CCDC110: variants seen among roughly 807,000 people sequenced by gnomAD.
CCDC110 encodes the protein coiled-coil domain-containing protein 110.
Under a neutral mutation model 77.1 loss-of-function variants are expected in CCDC110, and 70 were observed. The ratio of observed to expected loss-of-function variants is 0.91; its 90% CI spans 0.75 to 1.11. The LOEUF (loss-of-function observed/expected upper bound fraction) is 1.11, where lower values mean the gene tolerates loss of function less well. CCDC110 is among the 50% of genes least tolerant of loss of function. CCDC110 has a pLI of 0.00. For missense variants in CCDC110, 868 were observed against 942.9 expected, an observed-to-expected ratio of 0.92 and a Z score of 1.04; for synonymous variants, 295 against 312.5, an observed-to-expected ratio of 0.94 and a Z score of 0.59.
intron 4 of CCDC110, among the ~76,000 whole-genome samples, chr4:185,461,759 C>G (rs1364811358): frequency 6.6e-6 from 1 of 152,178 alleles, no homozygotes; most frequent in Non-Finnish European, 1.5e-5. Context: ...GTGACCCAGT[C>G]GGGATCCATC....
At chr4:185,464,427 G>A (rs561891248) in intron 2 of CCDC110, among the ~76,000 whole-genome samples, 10 of 152,196 alleles carry the variant, frequency 6.6e-5, no homozygotes, top group South Asian at 4.2e-4. Flanking sequence ...GTCAGAGGGC[G>A]GATCTTGCTG....
Position 185,459,373 on chromosome 4 carries a change from C to A in CCDC110, c.1214G>T (p.Gly405Val), listed in dbSNP as rs751468015. The A allele has an allele frequency of 2.4e-5, 39 of 1,611,734 alleles. No homozygotes were observed. The highest frequency in any genetic ancestry group is 3.0e-5 in the Non-Finnish European group (35 of 1,179,156). The change falls in exon 6 of 7, where the codon GGA (glycine) becomes GTA (valine). Residue 405 changes from glycine (G) to valine (V), a missense_variant. Coordinates refer to ENST00000307588, the MANE Select transcript of CCDC110 (RefSeq NM_152775.4). The stretch of plus-strand genomic sequence containing the variant: ...TTTCTCATTTTCAGATATTATTGAT[C>A]CTTGTTTTACTAGAAATGGTTGTCT... ...KERQPFLVKQGSIISENEKTS... is the reference protein window; with the variant it reads ...KERQPFLVKQVSIISENEKTS...
chr4:185,458,786 A>G lies in CCDC110; in HGVS notation c.1801T>C (p.Ser601Pro). ...CTTTCTTTTAGTTCATTTCCAAGTG[A>G]GCTTTTTTCTTTTAGAAGCTGGTGT... ...KTHQLLKEKS[S>P]LGNELKESQL... The change falls in exon 6 of 7, where the codon TCA becomes CCA. Residue 601 changes from serine (S) to proline (P), a missense_variant. Physicochemically the swap from Ser to Pro is moderately conservative, Grantham distance 74. Coordinates refer to ENST00000307588, the MANE Select transcript of CCDC110 (RefSeq NM_152775.4). The G allele has an allele frequency of 6.2e-7, 1 of 1,610,190 alleles. No individual in the cohort carries two copies. The highest frequency in any genetic ancestry group is 8.5e-7 in the Non-Finnish European group (1 of 1,179,148).
intron 6 of CCDC110, among the ~76,000 whole-genome samples, chr4:185,446,562 GA>G (rs907341689): frequency 5.8e-4 from 88 of 151,968 alleles, no homozygotes; most frequent in African/African-American, 2.0e-3. Flanking sequence ...TGCTTAAGTT[GA>G]AAAAAAATTT....
intron 5 of CCDC110, 89 bp from the exon 6 acceptor site, chr4:185,460,327 T>C: frequency 1.1e-6 from 1 of 939,696 alleles, no homozygotes; most frequent in African/African-American, 1.7e-5. Flanking sequence ...GGTTTATTTA[T>C]GTACCCTAAA....
intron 6 of CCDC110, among the ~76,000 whole-genome samples, chr4:185,451,604 A>G (rs537691013): frequency 6.6e-6 from 1 of 152,366 alleles, no homozygotes; most frequent in African/African-American, 2.4e-5. Flanking sequence ...CAGAATAGGA[A>G]TGGCCTTACC....
At chr4:185,471,546 G>T (rs2095667915) in intron 1 of CCDC110, 128 bp downstream of exon 1, 4 of 1,034,094 alleles carry the variant, frequency 3.9e-6, no homozygotes, top group Non-Finnish European at 5.7e-6. Context: ...CGGGAGATGT[G>T]CGGCGAGTGC....
In CCDC110 at chr4:185,460,257, C is replaced by T; in HGVS notation, c.349-19G>A. On this transcript the variant is annotated intron_variant, in intron 5 of 6. Coordinates refer to ENST00000307588, the MANE Select transcript of CCDC110 (RefSeq NM_152775.4). ...CTGTAGGCTGTAACAATAAGAAGTA[C>T]ACTATAAATGTATTGTCATTTGCCA... 1 of 1,549,106 alleles carries T rather than the reference C, an allele frequency of 6.5e-7. No individual in the cohort carries two copies. Among genetic ancestry groups the T allele is most frequent in the Non-Finnish European group, 8.7e-7 (1 of 1,145,914 alleles).
At chr4:185,462,060 C>T (rs4861668) in intron 4 of CCDC110, among the ~76,000 whole-genome samples, 32,347 of 152,110 alleles carry the variant, frequency 0.21, 3,880 homozygotes, top group East Asian at 0.47. Context: ...ATCATGCCAC[C>T]ACACTCCAGC....
At position 185,458,764 on chromosome 4, in the gene CCDC110, T is replaced by C; in HGVS notation, c.1823A>G (p.Glu608Gly). ...TAGCTGGATTATCTCTAGCTGGCTT[T>C]CTTTTAGTTCATTTCCAAGTGAGCT... ...EKSSLGNELKESQLEIIQLKE... is the reference protein window; with the variant it reads ...EKSSLGNELKGSQLEIIQLKE... The change falls in exon 6 of 7, where the codon GAA (glutamate) becomes GGA (glycine). Residue 608 changes from glutamate to glycine, a missense_variant. Glu to Gly is a moderately conservative substitution (Grantham distance 98). Coordinates refer to ENST00000307588, the MANE Select transcript of CCDC110 (RefSeq NM_152775.4). The C allele has an allele frequency of 6.2e-7, 1 of 1,610,548 alleles. No individual in the cohort carries two copies. The highest frequency in any genetic ancestry group is 1.3e-5 in the African/African-American group (1 of 74,804).
Position 185,458,760 on chromosome 4 carries a change from G to T in CCDC110, c.1827C>A (p.Ser609Arg). 1 of 1,609,932 alleles carries T rather than the reference G, an allele frequency of 6.2e-7. No individual in the cohort carries two copies. Among genetic ancestry groups the T allele is most frequent in the Non-Finnish European group, 8.5e-7 (1 of 1,179,010 alleles). ...KSSLGNELKE[S>R]QLEIIQLKEK... ...CTTTTAGCTGGATTATCTCTAGCTG[G>T]CTTTCTTTTAGTTCATTTCCAAGTG... Residue 609 changes from serine to arginine, a missense_variant, in exon 6 of 7, where the codon AGC becomes AGA. Coordinates refer to ENST00000307588, the MANE Select transcript of CCDC110 (RefSeq NM_152775.4).
chr4:185,449,143 TTGA>T (rs2095623783), intron 6 of CCDC110, among the ~76,000 whole-genome samples: 1 of 152,196 alleles, frequency 6.6e-6, no homozygotes, highest in South Asian at 2.1e-4. Flanking sequence ...GTGTTTTAAG[TTGA>T]TGAGAAAATT....
chr4:185,458,916 C>T lies in CCDC110; in HGVS notation c.1671G>A (p.Met557Ile). The T allele has an allele frequency of 6.2e-7, 1 of 1,608,960 alleles. No individual in the cohort carries two copies. Among genetic ancestry groups the T allele is most frequent in the South Asian group, 1.1e-5 (1 of 89,830 alleles). Residue 557 changes from methionine to isoleucine, a missense_variant, in exon 6 of 7, where the codon ATG becomes ATA. Coordinates refer to ENST00000307588, the MANE Select transcript of CCDC110 (RefSeq NM_152775.4). ...KSKEHKTQSD[M>I]AIVNNENNRM... ...GATTATTTTCATTATTTACAATGGC[C>T]ATATCACTTTGAGTTTTGTGTTCCT... is the stretch of plus-strand genomic sequence containing the variant.
intron 2 of CCDC110, among the ~76,000 whole-genome samples, chr4:185,465,594 C>T (rs2095654088): frequency 6.6e-6 from 1 of 152,302 alleles, no homozygotes; most frequent in South Asian, 2.1e-4. Context: ...TTGGCTTTTC[C>T]TTCAAGTGAA....
Position 185,459,940 on chromosome 4 carries a change from T to TC in CCDC110, c.646dup (p.Asp216GlyfsTer7). 6.2e-7 allele frequency: 1 copy of TC among 1,613,870 alleles called. No homozygotes were observed. The highest frequency in any genetic ancestry group is 8.5e-7 in the Non-Finnish European group (1 of 1,179,862). On this transcript the variant is annotated frameshift_variant, in exon 6 of 7. Coordinates refer to ENST00000307588, the MANE Select transcript of CCDC110 (RefSeq NM_152775.4). LOFTEE classifies it high-confidence loss of function. ...TTTGGATTTATCCAGAATTACTGTA[T>TC]CAGCTTGAGACATCACATTTGGAGG... is the stretch of plus-strand genomic sequence containing the variant.
chr4:185,449,615 T>C (rs949618945), intron 6 of CCDC110: 6 of 1,544,996 alleles, frequency 3.9e-6, no homozygotes, highest in Non-Finnish European at 5.2e-6. Flanking sequence ...TTCAAAGAAC[T>C]ACAAGACTTC....
intron 5 of CCDC110, chr4:185,460,831 A>T (rs1214145851): frequency 4.2e-6 from 2 of 472,474 alleles, no homozygotes; most frequent in Admixed American, 3.2e-5. Context: ...GGACTAAGTC[A>T]AATGTCCCTC....
chr4:185,446,988 C>T (rs2095613880), intron 6 of CCDC110, among the ~76,000 whole-genome samples: 1 of 152,090 alleles, frequency 6.6e-6, no homozygotes, highest in Non-Finnish European at 1.5e-5. Flanking sequence ...TACTCTACTA[C>T]ATTGCTGGTA....
chr4:185,456,873 C>T (rs966034334), intron 6 of CCDC110, among the ~76,000 whole-genome samples: 2 of 151,852 alleles, frequency 1.3e-5, no homozygotes, highest in African/African-American at 4.8e-5. Flanking sequence ...TTAATAATAC[C>T]AATCCTACAC....
Sources: gnomAD v4.1 joint callset for allele counts (sites outside exome capture counted in the v4.1 genomes callset) on GRCh38, gnomAD v4.1.1 for gene constraint, MANE v1.5 for transcripts, NCBI Gene and HGNC (gene_info 2026-07-23, HGNC 2026-07-21) for gene names.